The following FNDC1 variants were observed in gnomAD, a reference collection of about 807,000 sequenced individuals.
FNDC1 encodes the protein fibronectin type III domain-containing protein 1.
In FNDC1, 96 loss-of-function variants were observed where a neutral mutation model predicts 168.0. That is an observed-to-expected ratio of 0.57 (90% confidence interval 0.48 to 0.68). FNDC1 has a LOEUF of 0.68. Ranked by LOEUF, FNDC1 falls within the 30% of genes least tolerant of loss-of-function variation. The pLI is 0.00. For missense variants in FNDC1, 2,587 were observed against 2,482.1 expected (o/e 1.04, Z -0.90); for synonymous variants, 1,099 against 1,025.9 (o/e 1.07, Z -1.36).
chr6:159,232,058 A>G lies in FNDC1; in HGVS notation c.1546A>G (p.Asn516Asp). 1 of 1,613,834 alleles carries G rather than the reference A, an allele frequency of 6.2e-7. No individual in the cohort carries two copies. Among genetic ancestry groups the G allele is most frequent in the Non-Finnish European group, 8.5e-7 (1 of 1,179,822 alleles). ...LLDLKNKILA[N>D]GGAPRKPQLR... ...TGACTTGAAGAACAAAATATTGGCT[A>G]ATGGTGGGGCGCCCCGAAAACCCCA... Residue 516 changes from asparagine (N) to aspartate (D), a missense_variant, in exon 11 of 23, where the codon AAT becomes GAT. Asn to Asp is a conservative substitution (Grantham distance 23, BLOSUM62 1). Transcript: ENST00000297267. This position sits in a 1 kb window ranked among gnomAD's most constrained non-coding sequence, Gnocchi z 4.9.
At chr6:159,211,228 G>A (rs1414846148) in intron 4 of FNDC1, among the ~76,000 whole-genome samples, 1 of 152,196 alleles carries the variant, frequency 6.6e-6, no homozygotes, top group African/African-American at 2.4e-5. Context: ...TTGGTGGTCA[G>A]CGCAGTGGGG....
intron 4 of FNDC1, among the ~76,000 whole-genome samples, chr6:159,206,470 G>C (rs1011411177): frequency 6.6e-6 from 1 of 152,366 alleles, no homozygotes; most frequent in Middle Eastern, 3.4e-3. Context: ...CAATTGCACA[G>C]TGGGTGCTCA....
At chr6:159,230,368 T>C (rs1583890253) in intron 10 of FNDC1, among the ~76,000 whole-genome samples, 1 of 152,248 alleles carries the variant, frequency 6.6e-6, no homozygotes, top group African/African-American at 2.4e-5. Flanking sequence ...GCTTTAAAAA[T>C]GTTTAGTTTG....
chr6:159,271,267 A>G (rs987864141), intron 22 of FNDC1, 60 bp from the exon 23 acceptor site: 19 of 1,131,778 alleles, frequency 1.7e-5, no homozygotes, highest in Non-Finnish European at 2.4e-5. Context: ...TGTAAGGATG[A>G]GTTCTACCTG....
intron 9 of FNDC1, among the ~76,000 whole-genome samples, chr6:159,228,544 C>CTTT (rs151140978): frequency 4.4e-4 from 66 of 151,006 alleles, no homozygotes; most frequent in African/African-American, 1.6e-3. Context: ...TTGGTTGAAA[C>CTTT]GTTTTTTTTT....
intron 17 of FNDC1, among the ~76,000 whole-genome samples, chr6:159,252,283 TCTGA>T (rs1777284176): frequency 6.6e-6 from 1 of 152,218 alleles, no homozygotes; most frequent in Admixed American, 6.5e-5. Flanking sequence ...TGTGTGTGTC[TCTGA>T]CTGGGAGGTA....
chr6:159,262,704 A>C (rs2115028263), intron 19 of FNDC1, among the ~76,000 whole-genome samples: 1 of 152,378 alleles, frequency 6.6e-6, no homozygotes, highest in East Asian at 1.9e-4. Context: ...TAAAGTTTTG[A>C]TAAAACAGCT....
chr6:159,200,753 G>C (rs1782362554), intron 4 of FNDC1, among the ~76,000 whole-genome samples, 172 bp downstream of exon 4: 2 of 152,232 alleles, frequency 1.3e-5, no homozygotes, highest in South Asian at 4.1e-4. Flanking sequence ...CAATGAACTA[G>C]ACTGTAACCA....
chr6:159,269,503 C>CATCCATCCATCCATCT (rs1583930428), intron 22 of FNDC1, among the ~76,000 whole-genome samples: 4 of 108,290 alleles, frequency 3.7e-5, no homozygotes, highest in South Asian at 3.0e-4. Context: ...TCTATCTATC[C>CATCCATCCATCCATCT]ATCCATCCAT....
intron 15 of FNDC1, among the ~76,000 whole-genome samples, chr6:159,247,973 C>A (rs566128698): frequency 2.6e-5 from 4 of 152,174 alleles, no homozygotes; most frequent in African/African-American, 4.8e-5. Flanking sequence ...TGAGGTCCAC[C>A]TTTTCTGCAA....
At chr6:159,259,290 T>A (rs1777432239) in intron 18 of FNDC1, among the ~76,000 whole-genome samples, 1 of 152,212 alleles carries the variant, frequency 6.6e-6, no homozygotes, top group South Asian at 2.1e-4. Context: ...ATATTTAAAT[T>A]TACTTTGATA....
At chr6:159,267,747 T>A in intron 21 of FNDC1, 57 bp from the exon 22 acceptor site, 2 of 1,603,290 alleles carry the variant, frequency 1.2e-6, no homozygotes, top group Non-Finnish European at 1.7e-6. Flanking sequence ...AAAAAACTCC[T>A]AAACCAGTTG....
intron 5 of FNDC1, 67 bp downstream of exon 5, chr6:159,215,218 C>A: frequency 7.1e-7 from 1 of 1,406,580 alleles, no homozygotes; most frequent in Non-Finnish European, 1.0e-6. Flanking sequence ...TATTTAGAAG[C>A]TCATTCATGA....
intron 6 of FNDC1, among the ~76,000 whole-genome samples, chr6:159,221,925 G>T (rs1451164877): frequency 6.6e-6 from 1 of 152,200 alleles, no homozygotes; most frequent in Non-Finnish European, 1.5e-5. Context: ...CCACTTCACT[G>T]TGCAGCAGAT....
rs975431005 is a variant in FNDC1, at chr6:159,169,721, G to A, written c.109+16G>A. 1.0e-5 allele frequency: 11 copies of A among 1,075,832 alleles called. No homozygotes were observed. Among genetic ancestry groups the A allele is most frequent in the Admixed American group, 9.6e-5 (2 of 20,856 alleles). The allele number at this position is 1,075,832 out of a possible 1,614,324, so 66.6% of individuals were successfully genotyped here. A position where few individuals can be genotyped will look rare whatever the true frequency, so the allele number is the denominator to read the frequency against. On this transcript the variant is annotated intron_variant, in intron 1 of 22. Coordinates refer to ENST00000297267, the MANE Select transcript of FNDC1 (RefSeq NM_032532.3). The surrounding 1 kb of genome is among the most constrained non-coding windows in gnomAD (Gnocchi z 6.8). ...GCGGCCTCAGGTACGCGCCGCGCCC[G>A]GGCCCCCGGCGCTCCTCAGCTCCCC... is the stretch of plus-strand genomic sequence containing the variant.
chr6:159,234,294 T>G lies in FNDC1; in HGVS notation c.3782T>G (p.Leu1261Arg). The G allele has an allele frequency of 6.2e-7, 1 of 1,603,360 alleles. No homozygotes were observed. Among genetic ancestry groups the G allele is most frequent in the Non-Finnish European group, 8.5e-7 (1 of 1,175,158 alleles). The part of the protein sequence containing the change: ...SPRASHVPSR[L>R]PPRSAATVSP... Reference sequence around the variant, plus strand: ...AGGGCCTCCCACGTCCCTTCCCGACTGCCGCCTCGCAGCGCTGCCACCGTG... The same window carrying G: ...AGGGCCTCCCACGTCCCTTCCCGACGGCCGCCTCGCAGCGCTGCCACCGTG... Residue 1261 changes from leucine (L) to arginine (R), a missense_variant, in exon 11 of 23, where the codon CTG becomes CGG. Transcript: ENST00000297267.
Position 159,269,553 on chromosome 6 carries a change from T to C in FNDC1, c.5569+1627T>C, listed in dbSNP as rs376116042. Among the ~76,000 whole-genome samples the C allele has an allele frequency of 2.6e-5, 4 of 151,232 alleles. No individual in the cohort carries two copies. The East Asian group carries it at 5.9e-4, about 22-fold the overall frequency. The stretch of plus-strand genomic sequence containing the variant: ...ATCCATCCATCCATCCATCCATCCA[T>C]CCATCCATCCATCCATCTATCCTAT... On this transcript the variant is annotated intron_variant, in intron 22 of 22. Coordinates refer to ENST00000297267, the MANE Select transcript of FNDC1 (RefSeq NM_032532.3).
intron 9 of FNDC1, among the ~76,000 whole-genome samples, chr6:159,227,646 CT>C (rs10537794): frequency 0.064 from 8,718 of 135,902 alleles, 465 homozygotes; most frequent in East Asian, 0.35. Context: ...TCTTCTTTCT[CT>C]TTTTTTTTTT....
In FNDC1 at chr6:159,267,846, A is replaced by C; in HGVS notation, c.5489A>C (p.Asp1830Ala). 6.2e-7 allele frequency: 1 copy of C among 1,613,714 alleles called. No individual in the cohort carries two copies. The highest frequency in any genetic ancestry group is 1.1e-5 in the South Asian group (1 of 90,956). The change falls in exon 22 of 23, where the codon GAC (aspartate) becomes GCC (alanine). Residue 1830 changes from aspartate to alanine, a missense_variant. By Grantham distance (126) the Asp-to-Ala change is moderately radical. Transcript: ENST00000297267. ...GGAGACAGCTGGGGAAGAGGTGAAG[A>C]CCATTGCCAATTTGTGGATTCACAC... is the stretch of plus-strand genomic sequence containing the variant. ...SIGDSWGRGE[D>A]HCQFVDSHLD...
Sources: allele counts gnomAD v4.1 joint callset (sites outside exome capture counted in the v4.1 genomes callset), GRCh38; gene constraint gnomAD v4.1.1; non-coding constraint Gnocchi (gnomAD v3.1); transcripts MANE v1.5; gene names NCBI Gene and HGNC (gene_info 2026-07-23, HGNC 2026-07-21).